The following TLN2 variants were observed in gnomAD, a reference collection of about 807,000 sequenced individuals.
TLN2 encodes the protein talin-2.
TLN2 carries 118 observed loss-of-function variants against 294.7 expected under a neutral mutation model. The observed-to-expected ratio is 0.40, with a 90% CI of 0.34 to 0.47. TLN2 has a LOEUF of 0.47. TLN2 is among the 20% of genes least tolerant of loss of function. TLN2 has a pLI of 0.84. For synonymous variants in TLN2, 1,431 were observed against 1,304.5 expected (o/e 1.10, Z -2.09); for missense variants, 3,083 against 3,282.2 (o/e 0.94, Z 1.48).
chr15:62,787,493 A>G (rs779257211), intron 45 of TLN2, among the ~76,000 whole-genome samples: 27 of 152,110 alleles, frequency 1.8e-4, no homozygotes, highest in Non-Finnish European at 3.4e-4. Context: ...TATTTCGACA[A>G]AAAAAGAATT....
intron 43 of TLN2, among the ~76,000 whole-genome samples, chr15:62,778,363 T>C (rs1032802514): frequency 1.3e-5 from 2 of 152,244 alleles, no homozygotes; most frequent in African/African-American, 4.8e-5. Flanking sequence ...TGTTTGGTTT[T>C]CAGGACATCA....
At chr15:62,777,167 C>T (rs2063773132) in intron 43 of TLN2, among the ~76,000 whole-genome samples, 1 of 152,144 alleles carries the variant, frequency 6.6e-6, no homozygotes. Context: ...TAGGTTTCCT[C>T]AATTGTAAGA....
At chr15:62,750,313 G>A in intron 33 of TLN2, 89 bp from the exon 34 acceptor site, 2 of 1,042,034 alleles carry the variant, frequency 1.9e-6, no homozygotes, top group East Asian at 2.4e-5. Flanking sequence ...CTTGTGTATG[G>A]AGGGAGAGTT....
At chr15:62,634,464 T>G (rs2050198536) in intron 3 of TLN2, among the ~76,000 whole-genome samples, 1 of 152,258 alleles carries the variant, frequency 6.6e-6, no homozygotes, top group African/African-American at 2.4e-5. Flanking sequence ...TGACAGTATC[T>G]TAAAACAATC....
intron 9 of TLN2, among the ~76,000 whole-genome samples, chr15:62,664,631 G>T (rs1363371145): frequency 6.6e-6 from 1 of 151,842 alleles, no homozygotes; most frequent in African/African-American, 2.4e-5. Context: ...GGCCGAAGTG[G>T]GTGGATCACC....
chr15:62,797,141 G>A (rs748036399), intron 47 of TLN2, 78 bp from the exon 48 acceptor site: 23 of 1,515,668 alleles, frequency 1.5e-5, no homozygotes, highest in African/African-American at 2.8e-5. Context: ...CCCATGTGAG[G>A]GATTTCTTTT....
chr15:62,734,438 C>A (rs2060896655), intron 28 of TLN2, among the ~76,000 whole-genome samples: 1 of 152,180 alleles, frequency 6.6e-6, no homozygotes. Flanking sequence ...GCAGTCTAGA[C>A]CACACAACTA....
chr15:62,645,559 T>C (rs1478345649), intron 3 of TLN2, among the ~76,000 whole-genome samples: 2 of 152,238 alleles, frequency 1.3e-5, no homozygotes, highest in Non-Finnish European at 2.9e-5. Context: ...TGTATCCATG[T>C]GACCCAGCCA....
At chr15:62,575,835 C>T (rs1442480188) in intron 1 of TLN2, among the ~76,000 whole-genome samples, 1 of 152,178 alleles carries the variant, frequency 6.6e-6, no homozygotes, top group Non-Finnish European at 1.5e-5. Context: ...GGCTATTCTC[C>T]AGGTGTATGG....
chr15:62,790,692 G>T (rs2065011012), intron 45 of TLN2, among the ~76,000 whole-genome samples: 1 of 152,212 alleles, frequency 6.6e-6, no homozygotes, highest in Non-Finnish European at 1.5e-5. Flanking sequence ...TTAACTCTGT[G>T]GATCTGGAAC....
At position 62,633,524 on chromosome 15, in the gene TLN2, C is replaced by T. The variant is rs544584279; in HGVS notation, c.-36-13751C>T. ...CTTGCTATGTTGCCCAGGCTGGTCT[C>T]GAACTCCTGGACTCAAGCAATCCTC... is the stretch of plus-strand genomic sequence containing the variant. On this transcript the variant is annotated intron_variant, in intron 3 of 58. Transcript: ENST00000636159. Among the ~76,000 whole-genome samples the T allele has an allele frequency of 7.9e-5, 12 of 152,238 alleles. No homozygotes were observed. In the East Asian group the frequency reaches 9.7e-4, roughly 12 times the overall value.
At chr15:62,402,579 A>G (rs139932492) in intron 1 of TLN2, among the ~76,000 whole-genome samples, 2 of 152,046 alleles carry the variant, frequency 1.3e-5, no homozygotes, top group East Asian at 3.9e-4. Context: ...CCCTCTGCTC[A>G]CTCTCCTTCA....
chr15:62,813,826 T>G (rs1030385771), intron 52 of TLN2, among the ~76,000 whole-genome samples: 1 of 152,134 alleles, frequency 6.6e-6, no homozygotes, highest in South Asian at 2.1e-4. Flanking sequence ...GCTTTTTTTT[T>G]TTTTGGAGAC....
rs746874165 is a variant in TLN2 at position 62,783,793 on chromosome 15, C to T, written c.5639C>T (p.Pro1880Leu). ...CAGATGACTAAGTCGGTTACTAACC[C>T]GGAGGAGTTGGGAGGACTGGCTTCA... The part of the protein sequence containing the change: ...QEMMTKSVTN[P>L]EELGGLASQM... The change falls in exon 45 of 59, where the codon CCG (proline) becomes CTG (leucine). Residue 1880 changes from proline (P) to leucine (L), a missense_variant. Coordinates refer to ENST00000636159, the MANE Select transcript of TLN2 (RefSeq NM_015059.3). The T allele has an allele frequency of 1.4e-5, 22 of 1,607,696 alleles. No individual in the cohort carries two copies. Among genetic ancestry groups the T allele is most frequent in the Non-Finnish European group, 1.7e-5 (20 of 1,174,864 alleles).
At chr15:62,444,449 A>G (rs1299123039) in intron 1 of TLN2, among the ~76,000 whole-genome samples, 1 of 152,262 alleles carries the variant, frequency 6.6e-6, no homozygotes, top group African/African-American at 2.4e-5. Context: ...CTCCCATAGC[A>G]TATAACTTAA....
intron 1 of TLN2, among the ~76,000 whole-genome samples, chr15:62,583,423 T>C (rs1255819760): frequency 6.6e-6 from 1 of 152,240 alleles, no homozygotes; most frequent in Non-Finnish European, 1.5e-5. Flanking sequence ...AATATCATAG[T>C]TGGTCTAGAG....
At chr15:62,798,126 A>T (rs1342173506) in intron 48 of TLN2, among the ~76,000 whole-genome samples, 1 of 152,148 alleles carries the variant, frequency 6.6e-6, no homozygotes, top group Admixed American at 6.5e-5. Flanking sequence ...AGTGCCATCG[A>T]GGACATTGGT....
intron 57 of TLN2, among the ~76,000 whole-genome samples, chr15:62,837,449 C>G (rs1486348349): frequency 6.6e-6 from 1 of 152,140 alleles, no homozygotes; most frequent in Non-Finnish European, 1.5e-5. Flanking sequence ...GGGGATAGAG[C>G]CATCCACACT....
At chr15:62,518,479 G>C (rs1402742578) in intron 1 of TLN2, among the ~76,000 whole-genome samples, 1 of 152,174 alleles carries the variant, frequency 6.6e-6, no homozygotes, top group Non-Finnish European at 1.5e-5. Flanking sequence ...ACTTGTCTGA[G>C]CCTCAGGTTT....
Sources: gnomAD v4.1 joint callset for allele counts (sites outside exome capture counted in the v4.1 genomes callset) on GRCh38, gnomAD v4.1.1 for gene constraint, MANE v1.5 for transcripts, NCBI Gene and HGNC (gene_info 2026-07-23, HGNC 2026-07-21) for gene names.